ZNF385D: variants seen among roughly 807,000 people sequenced by gnomAD.
ZNF385D encodes zinc finger protein 659.
A neutral mutation model predicts 35.8 loss-of-function variants in ZNF385D; 15 were observed. The ratio of observed to expected loss-of-function variants is 0.42; its 90% CI spans 0.28 to 0.64. The LOEUF (loss-of-function observed/expected upper bound fraction) is 0.64. Ranked by LOEUF, ZNF385D falls within the 30% of genes least tolerant of loss-of-function variation. The probability of loss-of-function intolerance (pLI) is 0.23; values close to 1 mark genes in which losing one functional copy is unlikely to be tolerated. For missense variants in ZNF385D, 474 were observed against 494.6 expected (o/e 0.96, Z 0.39); for synonymous variants, 212 against 186.8 (o/e 1.13, Z -1.10).
At position 22,008,515 on chromosome 3, in the gene ZNF385D, C is replaced by T. The variant is rs577979652; in HGVS notation, c.325+160302G>A. Among the ~76,000 whole-genome samples the T allele has an allele frequency of 1.5e-3, 228 of 152,110 alleles. 1 individual carries two copies. The highest frequency in any genetic ancestry group is 2.5e-3 in the Non-Finnish European group (167 of 68,002). On this transcript the variant is annotated intron_variant, in intron 3 of 5. Coordinates refer to the ZNF385D transcript ENST00000494108. Reference sequence around the variant, plus strand: ...GGGACTACAGGCGCCCGCCACCTCTCCCTGCTAATTTTTTGTATTTTTAGT... The same window carrying T: ...GGGACTACAGGCGCCCGCCACCTCTTCCTGCTAATTTTTTGTATTTTTAGT...
intron 3 of ZNF385D, among the ~76,000 whole-genome samples, chr3:21,889,684 A>G (rs1231692944): frequency 1.3e-5 from 2 of 152,212 alleles, no homozygotes; most frequent in Non-Finnish European, 2.9e-5. Flanking sequence ...GGGGAGAAGG[A>G]TGAAGTATGT....
intron 3 of ZNF385D, among the ~76,000 whole-genome samples, chr3:22,123,956 CTCTCTCTATATATATA>C (rs778181441): frequency 5.7e-4 from 49 of 86,640 alleles, no homozygotes; most frequent in Admixed American, 7.3e-4. Flanking sequence ...CTCTCTCTCT[CTCTCTCTATATATATA>C]TATATATATA....
intron 3 of ZNF385D, among the ~76,000 whole-genome samples, chr3:22,050,708 C>T (rs963185508): frequency 1.1e-4 from 16 of 151,916 alleles, no homozygotes; most frequent in Admixed American, 2.0e-4. Flanking sequence ...TTAATTTCTC[C>T]GATTTTATCT....
At chr3:22,120,622 C>T (rs56077693) in intron 3 of ZNF385D, among the ~76,000 whole-genome samples, 26,554 of 152,034 alleles carry the variant, frequency 0.17, 2,747 homozygotes, top group Middle Eastern at 0.25. Context: ...ACTAGCTGCA[C>T]GATACCACAC....
At chr3:22,256,188 T>C (rs148136333) in intron 2 of ZNF385D, among the ~76,000 whole-genome samples, 5 of 149,376 alleles carry the variant, frequency 3.3e-5, no homozygotes, top group African/African-American at 9.9e-5. Context: ...CATATACATA[T>C]ACATACACAC....
intron 3 of ZNF385D, among the ~76,000 whole-genome samples, chr3:22,157,990 G>C (rs1275078574): frequency 6.6e-6 from 1 of 152,082 alleles, no homozygotes; most frequent in African/African-American, 2.4e-5. Flanking sequence ...TTTTAAATTA[G>C]TGAGTAAGCA....
intron 3 of ZNF385D, among the ~76,000 whole-genome samples, chr3:21,548,807 A>G (rs1421451234): frequency 6.6e-6 from 1 of 152,196 alleles, no homozygotes; most frequent in Non-Finnish European, 1.5e-5. Context: ...TATCATACAT[A>G]AAAACATTAT....
intron 1 of ZNF385D, among the ~76,000 whole-genome samples, chr3:21,707,637 T>C (rs554699784): frequency 6.6e-6 from 1 of 152,326 alleles, no homozygotes; most frequent in Non-Finnish European, 1.5e-5. Context: ...GAGCAAAACC[T>C]GAAATGGGCT....
intron 3 of ZNF385D, among the ~76,000 whole-genome samples, chr3:21,863,830 G>A (rs1023722906): frequency 2.6e-5 from 4 of 152,114 alleles, no homozygotes; most frequent in Non-Finnish European, 5.9e-5. Flanking sequence ...GCATGCAGAG[G>A]GAAGTGGCCA....
chr3:21,850,826 C>T (rs188940256), intron 3 of ZNF385D, among the ~76,000 whole-genome samples: 83 of 152,098 alleles, frequency 5.5e-4, no homozygotes, highest in African/African-American at 1.7e-3. Flanking sequence ...CCTAGTGGGC[C>T]TTAAAAATGT....
intron 3 of ZNF385D, among the ~76,000 whole-genome samples, chr3:21,858,675 T>G (rs751873844): frequency 6.6e-6 from 1 of 152,264 alleles, no homozygotes; most frequent in South Asian, 2.1e-4. Context: ...TAAATGTTTG[T>G]CATATATAAA....
chr3:21,813,962 G>A (rs946336629), intron 3 of ZNF385D, among the ~76,000 whole-genome samples: 5 of 152,144 alleles, frequency 3.3e-5, no homozygotes, highest in African/African-American at 1.2e-4. Flanking sequence ...GAAAGGTCGG[G>A]TTACCCACAA....
At chr3:22,205,582 C>CA (rs1438191231) in intron 2 of ZNF385D, among the ~76,000 whole-genome samples, 6 of 151,694 alleles carry the variant, frequency 4.0e-5, no homozygotes, top group Non-Finnish European at 5.9e-5. Flanking sequence ...ATAGAAATAA[C>CA]AAAAAGTTAA....
intron 3 of ZNF385D, among the ~76,000 whole-genome samples, chr3:22,131,951 G>A (rs902914601): frequency 3.3e-5 from 5 of 152,190 alleles, no homozygotes; most frequent in African/African-American, 1.2e-4. Context: ...AGCCAGTATG[G>A]AAGTCTGAAC....
chr3:22,148,180 G>A (rs901930874), intron 3 of ZNF385D, among the ~76,000 whole-genome samples: 1 of 152,110 alleles, frequency 6.6e-6, no homozygotes, highest in Non-Finnish European at 1.5e-5. Flanking sequence ...TAGAATTTGT[G>A]CTTTGTAAAT....
intron 2 of ZNF385D, among the ~76,000 whole-genome samples, chr3:22,336,939 CCTTA>C (rs1233474048): frequency 7.7e-4 from 8 of 10,398 alleles, no homozygotes; most frequent in East Asian, 3.3e-3. Flanking sequence ...AAAAAAAAAC[CCTTA>C]CTGTTAGTGA....
chr3:21,432,246 C>CTCAA (rs1229049465), intron 5 of ZNF385D, among the ~76,000 whole-genome samples: 4 of 111,852 alleles, frequency 3.6e-5, no homozygotes, highest in Non-Finnish European at 7.2e-5. Context: ...CTTTGATCTG[C>CTCAA]TCAACAAATT....
intron 2 of ZNF385D, among the ~76,000 whole-genome samples, chr3:22,215,982 A>G (rs1163018550): frequency 6.6e-6 from 1 of 151,886 alleles, no homozygotes; most frequent in African/African-American, 2.4e-5. Context: ...ATCTGGCTGA[A>G]TTTCCCCCAA....
intron 5 of ZNF385D, 170 bp downstream of exon 5, chr3:21,436,800 A>T: frequency 1.5e-6 from 1 of 680,550 alleles, no homozygotes; most frequent in Non-Finnish European, 2.4e-6. Flanking sequence ...CCTTGCCCCT[A>T]TATAAATGAC....
Sources: gnomAD v4.1 joint callset for allele counts (sites outside exome capture counted in the v4.1 genomes callset) on GRCh38, gnomAD v4.1.1 for gene constraint, MANE v1.5 for transcripts, NCBI Gene and HGNC (gene_info 2026-07-23, HGNC 2026-07-21) for gene names.